GPT2: variants seen among roughly 807,000 people sequenced by gnomAD.
GPT2 encodes alanine aminotransferase 2.
Under a neutral mutation model 56.9 loss-of-function variants are expected in GPT2, and 30 were observed. The ratio of observed to expected loss-of-function variants is 0.53; its 90% CI spans 0.39 to 0.72. GPT2 has a LOEUF of 0.72. Ranked by LOEUF, GPT2 falls within the 30% of genes least tolerant of loss-of-function variation. GPT2 has a pLI of 0.00. For synonymous variants in GPT2, 271 were observed against 283.1 expected, an observed-to-expected ratio of 0.96 and a Z score of 0.43; for missense variants, 542 against 703.4, an observed-to-expected ratio of 0.77 and a Z score of 2.60.
intron 8 of GPT2, among the ~76,000 whole-genome samples, chr16:46,920,697 T>C (rs1048674032): frequency 6.6e-6 from 1 of 152,222 alleles, no homozygotes; most frequent in African/African-American, 2.4e-5. Flanking sequence ...GCCAAACTGT[T>C]CTTGGGCTTC....
chr16:46,902,722 T>C (rs1960842625), intron 4 of GPT2, among the ~76,000 whole-genome samples: 1 of 151,928 alleles, frequency 6.6e-6, no homozygotes, highest in Non-Finnish European at 1.5e-5. Context: ...GCCTCCCGGG[T>C]TCAAGCGATT....
intron 8 of GPT2, among the ~76,000 whole-genome samples, chr16:46,921,590 C>T (rs1321892347): frequency 6.6e-6 from 1 of 152,060 alleles, no homozygotes; most frequent in Non-Finnish European, 1.5e-5. Context: ...TTCCTGTGGT[C>T]GTTAGTGTGA....
chr16:46,885,575 G>A (rs1428011829), intron 2 of GPT2: 3 of 984,102 alleles, frequency 3.0e-6, no homozygotes, highest in Non-Finnish European at 3.6e-6. Context: ...GACAGTCACC[G>A]AGGTGGGGAA....
At chr16:46,889,229 T>C (rs1960539987) in intron 2 of GPT2, among the ~76,000 whole-genome samples, 1 of 150,852 alleles carries the variant, frequency 6.6e-6, no homozygotes, top group African/African-American at 2.4e-5. Context: ...GGGTTTGCCA[T>C]GTTGCCCAGG....
At chr16:46,894,133 G>A (rs1596862123) in intron 2 of GPT2, among the ~76,000 whole-genome samples, 1 of 152,202 alleles carries the variant, frequency 6.6e-6, no homozygotes, top group Non-Finnish European at 1.5e-5. Flanking sequence ...GGATCTGCAG[G>A]CACCAAGACC....
chr16:46,918,470 G>T, intron 7 of GPT2, 151 bp from the exon 8 acceptor site: 1 of 828,148 alleles, frequency 1.2e-6, no homozygotes, highest in Admixed American at 2.4e-5. Context: ...AGTTCCTTCA[G>T]GCACACTTGG....
At chr16:46,913,622 T>A (rs1362674817) in intron 6 of GPT2, among the ~76,000 whole-genome samples, 2 of 152,250 alleles carry the variant, frequency 1.3e-5, no homozygotes, top group African/African-American at 4.8e-5. Flanking sequence ...AATGGAATCA[T>A]GCCACAGTCT....
At chr16:46,912,816 C>T (rs1161624822) in intron 6 of GPT2, among the ~76,000 whole-genome samples, 1 of 152,312 alleles carries the variant, frequency 6.6e-6, no homozygotes, top group East Asian at 1.9e-4. Flanking sequence ...TCCCACTAGA[C>T]CCACCTCCAA....
intron 10 of GPT2, among the ~76,000 whole-genome samples, chr16:46,925,807 G>A (rs1297404781): frequency 1.3e-5 from 2 of 151,990 alleles, no homozygotes; most frequent in African/African-American, 2.4e-5. Context: ...CTGGGCGAGA[G>A]CAAGATCTCT....
Position 46,929,377 on chromosome 16 carries a change from G to A in GPT2, c.*380G>A, listed in dbSNP as rs1961485109. ...GAAATGTGTGACTTAACCGTGGTGA[G>A]GGCTGGAAATCCAAACTCACCACCA... is the stretch of plus-strand genomic sequence containing the variant. On this transcript the variant is annotated 3_prime_UTR_variant, in exon 12 of 12. Coordinates refer to ENST00000340124, the MANE Select transcript of GPT2 (RefSeq NM_133443.4). 2 of 232,738 alleles carry A rather than the reference G, an allele frequency of 8.6e-6. No individual in the cohort carries two copies. The highest frequency in any genetic ancestry group is 8.7e-6 in the Non-Finnish European group (1 of 114,510). 14.4% of individuals were successfully genotyped at this position (232,738 alleles called of 1,614,324 possible). A position where few individuals can be genotyped will look rare whatever the true frequency, so the allele number is the denominator to read the frequency against.
chr16:46,928,556 G>A (rs1314951898), intron 11 of GPT2, among the ~76,000 whole-genome samples: 1 of 151,532 alleles, frequency 6.6e-6, no homozygotes, highest in Non-Finnish European at 1.5e-5. Context: ...CTGGGAGGTG[G>A]AGGTTGCAGT....
chr16:46,925,601 T>C (rs1349390201), intron 10 of GPT2, among the ~76,000 whole-genome samples: 3 of 152,050 alleles, frequency 2.0e-5, no homozygotes, highest in African/African-American at 7.2e-5. Flanking sequence ...GAGGCTGAAG[T>C]GGGAGGATCA....
At chr16:46,922,113 G>C (rs1482998995) in intron 8 of GPT2, 129 bp from the exon 9 acceptor site, 10 of 775,518 alleles carry the variant, frequency 1.3e-5, no homozygotes, top group Non-Finnish European at 2.1e-5. Context: ...CCTTCCATTG[G>C]CAAGAACTCA....
At chr16:46,910,469 C>T (rs956939560) in intron 6 of GPT2, among the ~76,000 whole-genome samples, 1 of 148,286 alleles carries the variant, frequency 6.7e-6, no homozygotes, top group Non-Finnish European at 1.5e-5. Context: ...GTGGAAGGAT[C>T]GCTTGAACCC....
chr16:46,898,792 C>A (rs985327177), intron 3 of GPT2, among the ~76,000 whole-genome samples: 1 of 150,926 alleles, frequency 6.6e-6, no homozygotes, highest in East Asian at 1.9e-4. Flanking sequence ...TCAAATGATC[C>A]GCCTGCCTCG....
intron 2 of GPT2, among the ~76,000 whole-genome samples, chr16:46,896,028 C>T (rs1027800675): frequency 1.2e-4 from 19 of 152,208 alleles, no homozygotes; most frequent in South Asian, 2.1e-4. Context: ...CCCTCCCACC[C>T]GGGCTGTGGC....
intron 6 of GPT2, chr16:46,915,646 C>T (rs1463938978): frequency 6.8e-6 from 1 of 148,122 alleles, no homozygotes; most frequent in Admixed American, 6.7e-5. Flanking sequence ...CACACCTGCA[C>T]ACATTACACA....
chr16:46,906,923 C>G lies in GPT2; in HGVS notation c.524C>G (p.Pro175Arg). 1 of 1,614,228 alleles carries G rather than the reference C, an allele frequency of 6.2e-7. No homozygotes were observed. The highest frequency in any genetic ancestry group is 8.5e-7 in the Non-Finnish European group (1 of 1,180,052). ...ATCACCAGGAGGGATGGCGGTGTGC[C>G]TGCGGACCCCGACAACATCTACCTG... ...AYITRRDGGV[P>R]ADPDNIYLTT... Residue 175 changes from proline (P) to arginine (R), a missense_variant, in exon 5 of 12, where the codon CCT (proline) becomes CGT (arginine). Physicochemically the swap from Pro to Arg is moderately radical, Grantham distance 103 (BLOSUM62 -2). Coordinates refer to ENST00000340124, the MANE Select transcript of GPT2 (RefSeq NM_133443.4).
At chr16:46,910,945 A>T (rs1243712907) in intron 6 of GPT2, among the ~76,000 whole-genome samples, 1 of 151,988 alleles carries the variant, frequency 6.6e-6, no homozygotes, top group African/African-American at 2.4e-5. Flanking sequence ...CCTGTTCTTC[A>T]TTTGCAAAGA....
Sources: gnomAD v4.1 joint callset for allele counts (sites outside exome capture counted in the v4.1 genomes callset) on GRCh38, gnomAD v4.1.1 for gene constraint, MANE v1.5 for transcripts, NCBI Gene and HGNC (gene_info 2026-07-23, HGNC 2026-07-21) for gene names.